ADGRL2: variants seen among roughly 807,000 people sequenced by gnomAD.
ADGRL2 encodes calcium-independent alpha-latrotoxin receptor 2.
Under a neutral mutation model 157.4 loss-of-function variants are expected in ADGRL2, and 44 were observed. The observed-to-expected ratio is 0.28, with a 90% CI of 0.22 to 0.36. ADGRL2 has a LOEUF of 0.36. Ranked by LOEUF, ADGRL2 falls within the 10% of genes least tolerant of loss-of-function variation. The pLI, the probability that ADGRL2 is intolerant of heterozygous loss-of-function variation, is 1.00. For missense variants in ADGRL2, 1,510 were observed against 1,768.9 expected (o/e 0.85, Z 2.63); for synonymous variants, 585 against 624.7 (o/e 0.94, Z 0.95).
chr1:81,887,489 C>A lies in ADGRL2; in HGVS notation c.74-19528C>A, dbSNP rs143588334. On this transcript the variant is annotated intron_variant, in intron 2 of 23. Transcript: ENST00000686636. ...ACAGTTTATATAATGAGTATTATTTCATGAAATTTGCATTAATTATATGTT... is the reference window on the plus strand; with the variant it reads ...ACAGTTTATATAATGAGTATTATTTAATGAAATTTGCATTAATTATATGTT... Among the ~76,000 whole-genome samples, 189 of 152,254 alleles carry A rather than the reference C, an allele frequency of 1.2e-3. 1 individual carries two copies. Among genetic ancestry groups the A allele is most frequent in the African/African-American group, 4.2e-3 (174 of 41,544 alleles).
intron 2 of ADGRL2, among the ~76,000 whole-genome samples, chr1:81,478,778 G>A (rs2078324773): frequency 6.6e-6 from 1 of 151,932 alleles, no homozygotes; most frequent in Non-Finnish European, 1.5e-5. Context: ...AGCATTTTTG[G>A]TGATGCTTGT....
rs1212297576 is a variant in ADGRL2 at position 81,468,014 on chromosome 1, T to A, written c.-248+22925T>A. ...GATATATTCAGTTCCTTTCCTTAGC[T>A]ATTTAAGACTTGAAGATTTAAAATT... On this transcript the variant is annotated intron_variant, in intron 2 of 24. Coordinates refer to the ADGRL2 transcript ENST00000370721. Among the ~76,000 whole-genome samples, 6 of 152,360 alleles carry A rather than the reference T, an allele frequency of 3.9e-5. No individual in the cohort carries two copies. In the East Asian group the frequency reaches 1.2e-3, roughly 29 times the overall value.
intron 1 of ADGRL2, among the ~76,000 whole-genome samples, chr1:81,718,886 G>T (rs1042831930): frequency 3.3e-5 from 5 of 152,210 alleles, no homozygotes; most frequent in Non-Finnish European, 1.5e-5. Flanking sequence ...AACAGCCTCA[G>T]AAATTAGCCC....
chr1:81,380,015 C>G (rs2076316822), intron 1 of ADGRL2, among the ~76,000 whole-genome samples: 1 of 152,178 alleles, frequency 6.6e-6, no homozygotes, highest in South Asian at 2.1e-4. Context: ...CTTCCCAGCA[C>G]TCCCTTATCA....
At chr1:81,353,473 C>G (rs1332029746) in intron 1 of ADGRL2, among the ~76,000 whole-genome samples, 1 of 152,058 alleles carries the variant, frequency 6.6e-6, no homozygotes, top group Non-Finnish European at 1.5e-5. Flanking sequence ...AGAAAAGATG[C>G]AGATTCAGGG....
chr1:81,415,341 AGTGT>A (rs964489813), intron 1 of ADGRL2, among the ~76,000 whole-genome samples: 4 of 152,140 alleles, frequency 2.6e-5, no homozygotes, highest in Admixed American at 6.5e-5. Flanking sequence ...AAGAAACACC[AGTGT>A]GTGTGTGTCT....
chr1:81,466,838 A>G (rs76791984), intron 2 of ADGRL2, among the ~76,000 whole-genome samples: 2 of 152,238 alleles, frequency 1.3e-5, no homozygotes, highest in African/African-American at 4.8e-5. Flanking sequence ...TTTCTTTGGA[A>G]AGTTAAAAGG....
At chr1:81,508,171 T>C (rs933671573) in intron 2 of ADGRL2, among the ~76,000 whole-genome samples, 1 of 152,236 alleles carries the variant, frequency 6.6e-6, no homozygotes, top group Non-Finnish European at 1.5e-5. Context: ...ATTATGTAGC[T>C]TGTGTATGCA....
At chr1:81,337,222 A>G (rs889148540) in intron 1 of ADGRL2, among the ~76,000 whole-genome samples, 1 of 152,196 alleles carries the variant, frequency 6.6e-6, no homozygotes, top group Non-Finnish European at 1.5e-5. Flanking sequence ...TAGATGCCGA[A>G]CAAGAGCTTG....
chr1:81,318,815 C>T (rs1660286537), intron 1 of ADGRL2, among the ~76,000 whole-genome samples: 1 of 151,836 alleles, frequency 6.6e-6, no homozygotes, highest in Non-Finnish European at 1.5e-5. Flanking sequence ...AGCAAACTCA[C>T]CTCTCTTAAT....
chr1:81,686,765 G>A (rs990075229), intron 3 of ADGRL2, among the ~76,000 whole-genome samples: 1 of 152,006 alleles, frequency 6.6e-6, no homozygotes, highest in Non-Finnish European at 1.5e-5. Context: ...CTTGATATAG[G>A]CATTCAGAGC....
chr1:81,738,626 A>C (rs1475249935), intron 1 of ADGRL2, among the ~76,000 whole-genome samples: 1 of 152,210 alleles, frequency 6.6e-6, no homozygotes, highest in Non-Finnish European at 1.5e-5. Context: ...ACCCCTCTAC[A>C]TGCAGTGGGG....
intron 1 of ADGRL2, among the ~76,000 whole-genome samples, chr1:81,386,990 A>C (rs1204390762): frequency 6.6e-6 from 1 of 152,282 alleles, no homozygotes; most frequent in East Asian, 1.9e-4. Context: ...TTGCTTGGCA[A>C]TATGTCACAA....
chr1:81,639,411 A>T (rs2082174269), intron 3 of ADGRL2, among the ~76,000 whole-genome samples: 1 of 152,034 alleles, frequency 6.6e-6, no homozygotes, highest in Admixed American at 6.6e-5. Context: ...GATTAAAAGT[A>T]AATGGATGTA....
intron 3 of ADGRL2, among the ~76,000 whole-genome samples, chr1:81,589,640 C>A (rs1264337662): frequency 6.6e-6 from 1 of 152,124 alleles, no homozygotes. Flanking sequence ...AGATAGAGGA[C>A]CTTCACCTAT....
intron 1 of ADGRL2, among the ~76,000 whole-genome samples, chr1:81,802,315 C>T (rs1358680642): frequency 1.3e-5 from 2 of 152,074 alleles, no homozygotes; most frequent in South Asian, 2.1e-4. Flanking sequence ...GGGGTGGATG[C>T]TGGAGGCGCA....
chr1:81,390,581 C>CA, intron 1 of ADGRL2, among the ~76,000 whole-genome samples: 1 of 151,882 alleles, frequency 6.6e-6, no homozygotes, highest in Admixed American at 6.5e-5. Context: ...TCCCTCCTAT[C>CA]ATTTGTTTCA....
chr1:81,529,425 C>T (rs747724507), intron 2 of ADGRL2, among the ~76,000 whole-genome samples: 7 of 152,318 alleles, frequency 4.6e-5, no homozygotes, highest in Middle Eastern at 6.8e-3. Flanking sequence ...GTTTCAGTTG[C>T]GCCCTGTGGC....
intron 6 of ADGRL2, among the ~76,000 whole-genome samples, chr1:81,944,024 C>G (rs1484388744): frequency 6.6e-6 from 1 of 151,870 alleles, no homozygotes; most frequent in Non-Finnish European, 1.5e-5. Context: ...ATAATACTAA[C>G]CAGAAACCTG....
Sources: gnomAD v4.1 joint callset for allele counts (sites outside exome capture counted in the v4.1 genomes callset) on GRCh38, gnomAD v4.1.1 for gene constraint, MANE v1.5 for transcripts, NCBI Gene and HGNC (gene_info 2026-07-23, HGNC 2026-07-21) for gene names.